Variants in TTI1 observed in about 807,000 individuals in gnomAD.
The protein encoded by TTI1 is TELO2 interacting protein 1.
A neutral mutation model predicts 85.4 loss-of-function variants in TTI1; 52 were observed. That is an observed-to-expected ratio of 0.61 (90% CI 0.49 to 0.77). The LOEUF (loss-of-function observed/expected upper bound fraction) is 0.77. TTI1 is among the 30% of genes least tolerant of loss of function. The pLI is 0.00. For synonymous variants in TTI1, 512 were observed against 503.9 expected (o/e 1.02, Z -0.22); for missense variants, 1,173 against 1,296.0 (o/e 0.91, Z 1.46).
chr20:38,001,852 G>A (rs938518181), intron 4 of TTI1, among the ~76,000 whole-genome samples: 29 of 152,224 alleles, frequency 1.9e-4, no homozygotes, highest in Admixed American at 1.2e-3. Flanking sequence ...CCAAGTAGCC[G>A]GGATAACAGG....
At position 38,013,035 on chromosome 20, in the gene TTI1, T is replaced by A; in HGVS notation, c.782A>T (p.Lys261Ile). Residue 261 changes from lysine (K) to isoleucine (I), a missense_variant, in exon 2 of 8, where the codon AAA becomes ATA. Transcript: ENST00000373447. ...TGCTACTCTGTGCTCAACTGCAGGT[T>A]TTGCTTGGACCTTTGAGATTCTTTT... ...QLKRISKVQA[K>I]PAVEHRVAEL... 6.2e-7 allele frequency: 1 copy of A among 1,614,132 alleles called. No homozygotes were observed. The highest frequency in any genetic ancestry group is 8.5e-7 in the Non-Finnish European group (1 of 1,180,042).
chr20:37,994,229 G>A (rs184684076), intron 7 of TTI1, among the ~76,000 whole-genome samples: 33 of 152,212 alleles, frequency 2.2e-4, no homozygotes, highest in African/African-American at 7.7e-4. Context: ...CGCCTCCCAG[G>A]TTCAAGTGAT....
At chr20:38,020,855 G>A (rs750547775) in intron 1 of TTI1, among the ~76,000 whole-genome samples, 8 of 152,154 alleles carry the variant, frequency 5.3e-5, no homozygotes, top group Non-Finnish European at 1.0e-4. Context: ...CTAGGTGCTG[G>A]CAAGGATACA....
intron 1 of TTI1, among the ~76,000 whole-genome samples, chr20:38,028,387 C>T (rs755046483): frequency 6.6e-6 from 1 of 152,010 alleles, no homozygotes; most frequent in Non-Finnish European, 1.5e-5. Flanking sequence ...TATATTAGCA[C>T]CAGATAAAGT....
At chr20:38,020,322 AAAT>A (rs1189271960) in intron 1 of TTI1, among the ~76,000 whole-genome samples, 16 of 75,902 alleles carry the variant, frequency 2.1e-4, no homozygotes, top group South Asian at 9.2e-4. Flanking sequence ...AAAAAAAAAA[AAAT>A]ATATATATAT....
intron 1 of TTI1, among the ~76,000 whole-genome samples, chr20:38,025,471 A>C (rs1230419717): frequency 6.6e-6 from 1 of 152,058 alleles, no homozygotes; most frequent in Non-Finnish European, 1.5e-5. Context: ...TGGGAGGCTG[A>C]GGCAGGAGAA....
chr20:38,020,323 A>AAAAAAATATATATATATATATATATATAT, intron 1 of TTI1, among the ~76,000 whole-genome samples: 1 of 50,382 alleles, frequency 2.0e-5, no homozygotes, highest in South Asian at 9.2e-4. Context: ...AAAAAAAAAA[A>AAAAAAATATATATATATATATATATATAT]ATATATATAT....
intron 7 of TTI1, among the ~76,000 whole-genome samples, chr20:37,984,150 G>A (rs143546918): frequency 6.6e-6 from 1 of 152,204 alleles, no homozygotes; most frequent in African/African-American, 2.4e-5. Context: ...TCCTGGCTGA[G>A]AGCCATGGAT....
At chr20:38,007,668 G>GA (rs914727212) in intron 2 of TTI1, among the ~76,000 whole-genome samples, 7 of 152,286 alleles carry the variant, frequency 4.6e-5, no homozygotes, top group Admixed American at 3.9e-4. Context: ...AGACAGCTGG[G>GA]AAAAAAACTC....
rs371438832 is a variant in TTI1 at position 38,012,542 on chromosome 20, G to A, written c.1275C>T (p.Leu425=). The change falls in exon 2 of 8, where the codon CTC becomes CTT. Residue 425 remains leucine, a synonymous_variant. Transcript: ENST00000373447. ...GGATGAGTGCTTTGGAAAGCCGCTG[G>A]AGATGGGCCACAGAGTTGAGGACAA... The part of the protein sequence containing the change: ...INFVLNSVAH[L]QRLSKALIQV... 1 of 1,614,208 alleles carries A rather than the reference G, an allele frequency of 6.2e-7. No homozygotes were observed. Among genetic ancestry groups the A allele is most frequent in the Non-Finnish European group, 8.5e-7 (1 of 1,180,046 alleles).
At position 38,013,248 on chromosome 20, in the gene TTI1, T is replaced by C; in HGVS notation, c.569A>G (p.His190Arg). The change falls in exon 2 of 8, where the codon CAT (histidine) becomes CGT (arginine). Residue 190 changes from histidine (H) to arginine (R), a missense_variant. Coordinates refer to ENST00000373447, the MANE Select transcript of TTI1 (RefSeq NM_001303457.2). ...TTCAAGTTCATCCAATGACCTTGGA[T>C]GGTCCTGACAATCACACTGCAAGAG... ...VLLLQCDCQD[H>R]PRSLDELEQK... 2.5e-6 allele frequency: 4 copies of C among 1,614,100 alleles called. No individual in the cohort carries two copies. Among genetic ancestry groups the C allele is most frequent in the Non-Finnish European group, 3.4e-6 (4 of 1,180,038 alleles).
chr20:37,993,112 CTTTT>C (rs756506163), intron 7 of TTI1, among the ~76,000 whole-genome samples: 2 of 125,318 alleles, frequency 1.6e-5, no homozygotes, highest in Non-Finnish European at 1.7e-5. Flanking sequence ...GGGGAGCTGG[CTTTT>C]TTTTTTTTTT....
chr20:37,983,337 G>T lies in TTI1; in HGVS notation c.*119C>A. 1 of 965,336 alleles carries T rather than the reference G, an allele frequency of 1.0e-6. No individual in the cohort carries two copies. Among genetic ancestry groups the T allele is most frequent in the Non-Finnish European group, 1.5e-6 (1 of 666,222 alleles). The allele number at this position is 965,336 out of a possible 1,614,324, so 59.8% of individuals were successfully genotyped here. On this transcript the variant is annotated 3_prime_UTR_variant, in exon 8 of 8. Transcript: ENST00000373447. ...TGATCGATCAATTTATAAATCGATTGGCTAACTAATTCACCTTCTCTGCTG... is the reference window on the plus strand; with the variant it reads ...TGATCGATCAATTTATAAATCGATTTGCTAACTAATTCACCTTCTCTGCTG...
At position 37,991,301 on chromosome 20, in the gene TTI1, T is replaced by C. The variant is rs137902604; in HGVS notation, c.3086+5074A>G. Among the ~76,000 whole-genome samples the C allele has an allele frequency of 8.2e-3, 1,250 of 152,274 alleles. 7 individuals are homozygous for C. The highest frequency in any genetic ancestry group is 0.024 in the African/African-American group (978 of 41,554). Reference sequence around the variant, plus strand: ...AAGCTCAGCCAAACTGCCCACACCATTTAAGGGGATGAGCTACTAATTTCA... The same window carrying C: ...AAGCTCAGCCAAACTGCCCACACCACTTAAGGGGATGAGCTACTAATTTCA... On this transcript the variant is annotated intron_variant, in intron 7 of 7. Coordinates refer to ENST00000373447, the MANE Select transcript of TTI1 (RefSeq NM_001303457.2).
intron 2 of TTI1, among the ~76,000 whole-genome samples, chr20:38,007,534 T>C (rs1382552311): frequency 6.6e-6 from 1 of 152,312 alleles, no homozygotes; most frequent in South Asian, 2.1e-4. Flanking sequence ...ATTATTTTTG[T>C]ATATCAGGGT....
chr20:38,006,402 A>C lies in TTI1; in HGVS notation c.2303-5T>G. On this transcript the variant is annotated splice_region_variant and splice_polypyrimidine_tract_variant and intron_variant, in intron 2 of 7. Coordinates refer to ENST00000373447, the MANE Select transcript of TTI1 (RefSeq NM_001303457.2). Reference sequence around the variant, plus strand: ...CTGTGTCTGGGAACCACTGGGCTGTAAATAAAGTGTTACAATGATCACCTT... The same window carrying C: ...CTGTGTCTGGGAACCACTGGGCTGTCAATAAAGTGTTACAATGATCACCTT... The C allele has an allele frequency of 6.2e-7, 1 of 1,614,082 alleles. No homozygotes were observed. Among genetic ancestry groups the C allele is most frequent in the Non-Finnish European group, 8.5e-7 (1 of 1,179,998 alleles).
At position 37,983,420 on chromosome 20, in the gene TTI1, G is replaced by C. The variant is rs924040765; in HGVS notation, c.*36C>G. The C allele has an allele frequency of 1.1e-5, 18 of 1,595,846 alleles. No individual in the cohort carries two copies. Among genetic ancestry groups the C allele is most frequent in the Non-Finnish European group, 1.5e-5 (18 of 1,173,678 alleles). On this transcript the variant is annotated 3_prime_UTR_variant, in exon 8 of 8. Transcript: ENST00000373447. ...AGCCCAGCTTCTGGCTGGCAGTAGGGGAGGGATCGGTGGCCTCTGTGGTGG... is the reference window on the plus strand; with the variant it reads ...AGCCCAGCTTCTGGCTGGCAGTAGGCGAGGGATCGGTGGCCTCTGTGGTGG...
At chr20:38,021,683 T>C (rs1043828529) in intron 1 of TTI1, among the ~76,000 whole-genome samples, 109 of 152,280 alleles carry the variant, frequency 7.2e-4, no homozygotes, top group African/African-American at 2.5e-3. Flanking sequence ...TGGAAAGTAG[T>C]TGGCAAGTAG....
intron 1 of TTI1, among the ~76,000 whole-genome samples, chr20:38,025,036 G>C (rs1278045932): frequency 2.6e-5 from 4 of 152,114 alleles, no homozygotes; most frequent in Admixed American, 1.3e-4. Flanking sequence ...TTTTTCTTGG[G>C]TGTCAATGGA....
Sources: allele counts gnomAD v4.1 joint callset (sites outside exome capture counted in the v4.1 genomes callset), GRCh38; gene constraint gnomAD v4.1.1; transcripts MANE v1.5; gene names NCBI Gene and HGNC (gene_info 2026-07-23, HGNC 2026-07-21).